Variants in GSN observed in about 807,000 individuals in gnomAD.
GSN encodes actin-depolymerizing factor.
Under a neutral mutation model 85.7 loss-of-function variants are expected in GSN, and 56 were observed. The ratio of observed to expected loss-of-function variants is 0.65; its 90% CI spans 0.53 to 0.82. The LOEUF (loss-of-function observed/expected upper bound fraction) is 0.82. Among genes scored for constraint, GSN ranks in the 40% least tolerant of loss-of-function variants. The probability of loss-of-function intolerance (pLI) is 0.00; values close to 1 mark genes in which losing one functional copy is unlikely to be tolerated. For missense variants in GSN, 857 were observed against 979.8 expected (o/e 0.87, Z 1.67); for synonymous variants, 373 against 399.1 (o/e 0.93, Z 0.78).
intron 6 of GSN, among the ~76,000 whole-genome samples, chr9:121,249,233 T>G (rs1448065036): frequency 6.6e-6 from 1 of 151,452 alleles, no homozygotes; most frequent in African/African-American, 2.4e-5. Flanking sequence ...GTGAGGCGAG[T>G]GGATCACCTG....
chr9:121,260,224 C>T (rs372567852), intron 6 of GSN, among the ~76,000 whole-genome samples: 102 of 152,286 alleles, frequency 6.7e-4, no homozygotes, highest in African/African-American at 2.2e-3. Context: ...AGACTGCCTG[C>T]TTGGTGTGGC....
At chr9:121,218,496 A>T (rs1039977898) in intron 4 of GSN, among the ~76,000 whole-genome samples, 11 of 152,176 alleles carry the variant, frequency 7.2e-5, no homozygotes, top group Non-Finnish European at 8.8e-5. Flanking sequence ...TGAACCAGGC[A>T]TCATGACGTG....
chr9:121,310,020 AGGAAG>A (rs1201242316), intron 4 of GSN: 3 of 153,616 alleles, frequency 2.0e-5, no homozygotes, highest in Non-Finnish European at 4.3e-5. Context: ...AGAGAAAGGA[AGGAAG>A]GAAAGGAAAG....
rs113274000 is a variant in GSN, at chr9:121,290,120, G to C, written c.-10+8558G>C. On this transcript the variant is annotated intron_variant, in intron 2 of 17. Transcript: ENST00000432226. ...TGTCTTGGTGGGATGACCGTGGTTG[G>C]GTCCTGCCTCCAAGGGTATCCCAGA... 5.8e-3 allele frequency among the ~76,000 whole-genome samples: 877 copies of C among 152,176 alleles called. 7 individuals are homozygous for C. The highest frequency in any genetic ancestry group is 0.02 in the African/African-American group (837 of 41,502).
In GSN at chr9:121,226,140, C is replaced by A. The variant is rs149976695; in HGVS notation, c.-527-5025C>A. Among the ~76,000 whole-genome samples the A allele has an allele frequency of 6.7e-3, 1,021 of 152,276 alleles. 7 individuals carry two copies. The highest frequency in any genetic ancestry group is 0.011 in the Non-Finnish European group (769 of 68,022). On this transcript the variant is annotated intron_variant, in intron 4 of 24. Transcript: ENST00000373823. The stretch of plus-strand genomic sequence containing the variant: ...TTATTAGACAATCAAAAAATGTGTG[C>A]TCCCCCTCCCATTGCCTTCTCTGGG...
At chr9:121,327,745 G>C (rs1019158014) in intron 14 of GSN, among the ~76,000 whole-genome samples, 1 of 152,166 alleles carries the variant, frequency 6.6e-6, no homozygotes, top group African/African-American at 2.4e-5. Flanking sequence ...AGGCTAAGGC[G>C]GGCGGATCAC....
chr9:121,292,878 G>C (rs185670217), intron 2 of GSN, among the ~76,000 whole-genome samples: 2 of 152,068 alleles, frequency 1.3e-5, no homozygotes, highest in Admixed American at 1.3e-4. Context: ...GTGCCTTTGC[G>C]GGGCATGGTC....
intron 4 of GSN, among the ~76,000 whole-genome samples, chr9:121,213,014 C>T (rs926225508): frequency 4.6e-5 from 7 of 151,930 alleles, no homozygotes; most frequent in African/African-American, 1.7e-4. Flanking sequence ...GAAAAGGCAG[C>T]GTGAAGGAAG....
chr9:121,239,711 A>G (rs2054565734), intron 5 of GSN: 2 of 303,614 alleles, frequency 6.6e-6, no homozygotes, highest in East Asian at 9.5e-5. Flanking sequence ...GACCTCTGTC[A>G]ATGGGTTTTT....
chr9:121,270,300 G>A (rs2055750500), intron 1 of GSN, among the ~76,000 whole-genome samples: 4 of 152,234 alleles, frequency 2.6e-5, no homozygotes, highest in South Asian at 2.1e-4. Context: ...AGCTGAGAAA[G>A]GGTTTTGACA....
chr9:121,328,802 C>A, intron 14 of GSN, 89 bp from the exon 15 acceptor site: 2 of 1,405,756 alleles, frequency 1.4e-6, no homozygotes, highest in Admixed American at 1.7e-5. Context: ...CAGTTGGTTG[C>A]GCTTGGGCAG....
At chr9:121,223,654 G>A (rs912381538) in intron 4 of GSN, among the ~76,000 whole-genome samples, 1 of 151,098 alleles carries the variant, frequency 6.6e-6, no homozygotes, top group Non-Finnish European at 1.5e-5. Flanking sequence ...TACTTTATAA[G>A]TATATTATTA....
At position 121,286,197 on chromosome 9, in the gene GSN, G is replaced by A. The variant is rs572946504; in HGVS notation, c.-10+4635G>A. The A allele has an allele frequency of 1.7e-5, 25 of 1,505,488 alleles. No individual in the cohort carries two copies. In the South Asian group the frequency reaches 2.2e-4, roughly 13 times the overall value. 93.3% of individuals were successfully genotyped at this position (1,505,488 alleles called of 1,614,324 possible). A position where few individuals can be genotyped will look rare whatever the true frequency, so the allele number is the denominator to read the frequency against. On this transcript the variant is annotated intron_variant, in intron 2 of 17. Coordinates refer to ENST00000432226, the MANE Select transcript of GSN (RefSeq NM_198252.3). ...ATTCTGACCCATGGGTGAGTAGCAC[G>A]GGATCTGGGGTGGTCCCCGAAGCCA...
intron 4 of GSN, among the ~76,000 whole-genome samples, chr9:121,214,376 T>C (rs537464979): frequency 1.3e-5 from 2 of 152,290 alleles, no homozygotes; most frequent in South Asian, 4.1e-4. Context: ...TTCTACATTT[T>C]AAAATCTAGG....
At chr9:121,239,407 A>C (rs2054558963) in intron 5 of GSN, 1 of 430,790 alleles carries the variant, frequency 2.3e-6, no homozygotes, top group Admixed American at 2.8e-5. Context: ...AGATTTGAAG[A>C]ACCAGGCAGT....
intron 6 of GSN, among the ~76,000 whole-genome samples, chr9:121,262,376 G>C (rs557314552): frequency 6.6e-6 from 1 of 152,284 alleles, no homozygotes; most frequent in African/African-American, 2.4e-5. Context: ...TAAAATTGGA[G>C]ACAAGAATAC....
In GSN at chr9:121,312,405, A is replaced by C; in HGVS notation, c.580A>C (p.Lys194Gln). The C allele has an allele frequency of 1.2e-6, 2 of 1,614,034 alleles. No homozygotes were observed. The highest frequency in any genetic ancestry group is 1.7e-6 in the Non-Finnish European group (2 of 1,179,860). ...AAGACTGAAGGCCACACAGGTGTCC[A>C]AGGGCATCCGGGACAACGAGCGGAG... is the stretch of plus-strand genomic sequence containing the variant. ...YERLKATQVSKGIRDNERSGR... is the reference protein window; with the variant it reads ...YERLKATQVSQGIRDNERSGR... Residue 194 changes from lysine (K) to glutamine (Q), a missense_variant, in exon 6 of 18, where the codon AAG becomes CAG. Transcript: ENST00000432226.
intron 11 of GSN, among the ~76,000 whole-genome samples, chr9:121,323,603 C>T (rs947538662): frequency 6.6e-6 from 1 of 151,990 alleles, no homozygotes; most frequent in African/African-American, 2.4e-5. Flanking sequence ...CTCCTGACCT[C>T]AACTGATCTG....
At chr9:121,220,784 AC>A (rs1168217905) in intron 4 of GSN, among the ~76,000 whole-genome samples, 6 of 152,256 alleles carry the variant, frequency 3.9e-5, no homozygotes, top group Admixed American at 3.9e-4. Flanking sequence ...TCTAACAAAG[AC>A]AGAACAGGCA....
Sources: allele counts gnomAD v4.1 joint callset (sites outside exome capture counted in the v4.1 genomes callset), GRCh38; gene constraint gnomAD v4.1.1; transcripts MANE v1.5; gene names NCBI Gene and HGNC (gene_info 2026-07-23, HGNC 2026-07-21).